Variants in GPC6 observed in about 807,000 individuals in gnomAD.
GPC6 encodes glypican 6.
A neutral mutation model predicts 55.2 loss-of-function variants in GPC6; 14 were observed. That is an observed-to-expected ratio of 0.25 (90% CI 0.17 to 0.40). The LOEUF (loss-of-function observed/expected upper bound fraction) is 0.40. Ranked by LOEUF, GPC6 falls within the 10% of genes least tolerant of loss-of-function variation. The pLI is 1.00. For synonymous variants in GPC6, 278 were observed against 259.6 expected, an observed-to-expected ratio of 1.07 and a Z score of -0.68; for missense variants, 641 against 708.5, an observed-to-expected ratio of 0.90 and a Z score of 1.08.
chr13:94,005,676 G>A lies in GPC6; in HGVS notation c.712-22053G>A, dbSNP rs550678385. Among the ~76,000 whole-genome samples the A allele has an allele frequency of 2.6e-5, 4 of 152,262 alleles. No individual in the cohort carries two copies. In the South Asian group the frequency reaches 6.2e-4, roughly 24 times the overall value. On this transcript the variant is annotated intron_variant, in intron 3 of 8. Transcript: ENST00000377047. ...CCCTTGATTCTGTATTTTTTGCAGT[G>A]AGACTGTATTCTAAAGTGTTGGCCA...
intron 4 of GPC6, among the ~76,000 whole-genome samples, chr13:94,255,198 G>A (rs73549932): frequency 0.15 from 22,237 of 152,090 alleles, 1,667 homozygotes; most frequent in South Asian, 0.23. Flanking sequence ...CTGGCTAGGC[G>A]TTTACAACGC....
At chr13:93,565,169 T>C (rs1307076581) in intron 2 of GPC6, among the ~76,000 whole-genome samples, 1 of 152,122 alleles carries the variant, frequency 6.6e-6, no homozygotes, top group Non-Finnish European at 1.5e-5. Flanking sequence ...GCCTTTAACT[T>C]CCATGGACCT....
At chr13:94,049,890 C>T (rs558497270) in intron 4 of GPC6, among the ~76,000 whole-genome samples, 8 of 152,182 alleles carry the variant, frequency 5.3e-5, no homozygotes, top group East Asian at 3.9e-4. Flanking sequence ...AATTGAATCA[C>T]GGGTACAGTT....
At chr13:93,276,303 T>A (rs1210518145) in intron 1 of GPC6, among the ~76,000 whole-genome samples, 4 of 152,120 alleles carry the variant, frequency 2.6e-5, no homozygotes, top group Admixed American at 6.5e-5. Flanking sequence ...AGGTTCTCCC[T>A]GGTCACAGAC....
intron 4 of GPC6, among the ~76,000 whole-genome samples, chr13:94,148,622 CAT>C (rs766068323): frequency 6.6e-6 from 1 of 152,112 alleles, no homozygotes; most frequent in Non-Finnish European, 1.5e-5. Flanking sequence ...GCGACCATTA[CAT>C]GTTATTTTGA....
chr13:93,332,726 T>C (rs1216042899), intron 1 of GPC6, among the ~76,000 whole-genome samples: 1 of 152,198 alleles, frequency 6.6e-6, no homozygotes, highest in African/African-American at 2.4e-5. Context: ...TATAATTCCA[T>C]TTGTCAATTT....
At chr13:93,493,842 A>T in intron 1 of GPC6, among the ~76,000 whole-genome samples, 1 of 115,278 alleles carries the variant, frequency 8.7e-6, no homozygotes, top group African/African-American at 3.2e-5. Context: ...TTTGAGTGAG[A>T]TTCTTAATCC....
At chr13:93,645,380 G>A (rs1335609724) in intron 2 of GPC6, among the ~76,000 whole-genome samples, 1 of 152,034 alleles carries the variant, frequency 6.6e-6, no homozygotes, top group African/African-American at 2.4e-5. Flanking sequence ...TACATAGTTG[G>A]TTGTATACCA....
chr13:93,944,351 C>A (rs1331549655), intron 3 of GPC6, among the ~76,000 whole-genome samples: 1 of 151,984 alleles, frequency 6.6e-6, no homozygotes, highest in Non-Finnish European at 1.5e-5. Context: ...CTACAGGCGC[C>A]CGCCACCATG....
At chr13:93,937,572 T>C (rs938766502) in intron 3 of GPC6, among the ~76,000 whole-genome samples, 9 of 152,162 alleles carry the variant, frequency 5.9e-5, no homozygotes, top group Non-Finnish European at 1.2e-4. Flanking sequence ...AATATAATAT[T>C]ACTTCTTATT....
chr13:93,376,871 A>T lies in GPC6; in HGVS notation c.160+149255A>T, dbSNP rs75953728. ...GGCATTTCCAGACACTGTCATGTGC[A>T]CAGCTATTATTTTCTGCTTCATTCG... On this transcript the variant is annotated intron_variant, in intron 1 of 8. Transcript: ENST00000377047. Among the ~76,000 whole-genome samples, 1,415 of 151,844 alleles carry T rather than the reference A, an allele frequency of 9.3e-3. 134 individuals are homozygous for T. In the East Asian group the frequency reaches 0.22, roughly 23 times the overall value.
rs1275981478 is a variant in GPC6 at position 94,407,192 on chromosome 13, T to C, written c.*3975T>C. The C allele has an allele frequency of 2.6e-5, 4 of 152,072 alleles. No homozygotes were observed. Among genetic ancestry groups the C allele is most frequent in the African/African-American group, 7.2e-5 (3 of 41,418 alleles). The allele number at this position is 152,072 out of a possible 1,614,324, so 9.4% of individuals were successfully genotyped here. A position where few individuals can be genotyped will look rare whatever the true frequency, so the allele number is the denominator to read the frequency against. ...CCTTTGACATTGCCTTGTAATGAGGTACTTCCAAAAAAAGACCCCTAACAA... is the reference window on the plus strand; with the variant it reads ...CCTTTGACATTGCCTTGTAATGAGGCACTTCCAAAAAAAGACCCCTAACAA... On this transcript the variant is annotated 3_prime_UTR_variant, in exon 9 of 9. Coordinates refer to ENST00000377047, the MANE Select transcript of GPC6 (RefSeq NM_005708.5).
intron 4 of GPC6, among the ~76,000 whole-genome samples, chr13:94,188,497 G>T (rs1181315998): frequency 6.6e-6 from 1 of 152,142 alleles, no homozygotes; most frequent in Non-Finnish European, 1.5e-5. Flanking sequence ...GATGTGAGTG[G>T]TCACTTCTTT....
intron 1 of GPC6, among the ~76,000 whole-genome samples, chr13:93,541,763 T>G (rs1594249585): frequency 6.6e-6 from 1 of 150,414 alleles, no homozygotes; most frequent in East Asian, 2.0e-4. Context: ...TGATTTGCAT[T>G]TCTCTGACGG....
At chr13:93,676,172 T>TACAC (rs771597800) in intron 2 of GPC6, among the ~76,000 whole-genome samples, 8 of 72,336 alleles carry the variant, frequency 1.1e-4, no homozygotes, top group African/African-American at 3.7e-4. Flanking sequence ...TATATATACA[T>TACAC]ACACACACAC....
At chr13:93,872,373 C>T (rs931391988) in intron 3 of GPC6, among the ~76,000 whole-genome samples, 18 of 151,998 alleles carry the variant, frequency 1.2e-4, no homozygotes, top group Non-Finnish European at 1.8e-4. Flanking sequence ...CCTGTATTCT[C>T]ATAAAGCAAT....
chr13:93,392,594 C>T (rs536013004), intron 1 of GPC6, among the ~76,000 whole-genome samples: 1 of 152,210 alleles, frequency 6.6e-6, no homozygotes, highest in Non-Finnish European at 1.5e-5. Flanking sequence ...ACTGATGGCT[C>T]AGCATCATAC....
At chr13:93,346,511 A>G (rs1420276957) in intron 1 of GPC6, among the ~76,000 whole-genome samples, 2 of 152,160 alleles carry the variant, frequency 1.3e-5, no homozygotes, top group Non-Finnish European at 2.9e-5. Flanking sequence ...ACCATGGGTG[A>G]CAGTTTCCCT....
At chr13:93,291,943 A>G (rs1334967129) in intron 1 of GPC6, among the ~76,000 whole-genome samples, 1 of 152,204 alleles carries the variant, frequency 6.6e-6, no homozygotes, top group Non-Finnish European at 1.5e-5. Flanking sequence ...AGTGTTACAT[A>G]CAAAAATATA....
Sources: allele counts gnomAD v4.1 joint callset (sites outside exome capture counted in the v4.1 genomes callset), GRCh38; gene constraint gnomAD v4.1.1; transcripts MANE v1.5; gene names NCBI Gene and HGNC (gene_info 2026-07-23, HGNC 2026-07-21).